MAGI1: variants seen among roughly 807,000 people sequenced by gnomAD.
MAGI1 encodes membrane associated guanylate kinase, WW and PDZ domain containing 1.
A neutral mutation model predicts 139.9 loss-of-function variants in MAGI1; 58 were observed. The ratio of observed to expected loss-of-function variants is 0.41; its 90% CI spans 0.34 to 0.52. MAGI1 has a LOEUF of 0.52. Among genes scored for constraint, MAGI1 ranks in the 20% least tolerant of loss-of-function variants. MAGI1 has a pLI of 0.12. For missense variants in MAGI1, 1,874 were observed against 1,901.6 expected (o/e 0.99, Z 0.27); for synonymous variants, 812 against 737.9 (o/e 1.10, Z -1.63).
chr3:65,634,084 G>A (rs1257243480), intron 1 of MAGI1, among the ~76,000 whole-genome samples: 1 of 152,146 alleles, frequency 6.6e-6, no homozygotes, highest in East Asian at 1.9e-4. Context: ...CACCCAATGA[G>A]ATTACTAGTC....
chr3:65,600,742 T>C (rs2082445424), intron 2 of MAGI1, among the ~76,000 whole-genome samples: 1 of 152,190 alleles, frequency 6.6e-6, no homozygotes, highest in Non-Finnish European at 1.5e-5. Context: ...TTTTGAGAAA[T>C]AACTGTGAGA....
In MAGI1 at chr3:65,845,899, G is replaced by C. The variant is rs143743903; in HGVS notation, c.313+192097C>G. On this transcript the variant is annotated intron_variant, in intron 1 of 22. Transcript: ENST00000402939. ...AGTTTGCTGGCCTTGTGATCCGCCA[G>C]ACAAGTTAACCTGCAAAGCCTATCA... Among the ~76,000 whole-genome samples the C allele has an allele frequency of 1.9e-3, 288 of 152,324 alleles. 5 individuals carry two copies. In the East Asian group the frequency reaches 0.042, roughly 22 times the overall value.
intron 2 of MAGI1, among the ~76,000 whole-genome samples, chr3:65,550,556 C>A (rs1240630863): frequency 1.3e-5 from 2 of 152,184 alleles, no homozygotes; most frequent in Admixed American, 1.3e-4. Flanking sequence ...TCATATACAA[C>A]TTTAGTTTTA....
intron 1 of MAGI1, among the ~76,000 whole-genome samples, chr3:65,746,416 C>A (rs1363720530): frequency 6.6e-6 from 1 of 152,134 alleles, no homozygotes; most frequent in Non-Finnish European, 1.5e-5. Flanking sequence ...GATAAATTCT[C>A]CTATATAGGA....
chr3:65,901,285 C>G (rs2061220656), intron 1 of MAGI1, among the ~76,000 whole-genome samples: 1 of 152,182 alleles, frequency 6.6e-6, no homozygotes. Flanking sequence ...GAGGAATCCA[C>G]CATGCAGGCC....
At chr3:65,892,409 T>C (rs181358045) in intron 1 of MAGI1, among the ~76,000 whole-genome samples, 5 of 152,314 alleles carry the variant, frequency 3.3e-5, no homozygotes, top group African/African-American at 9.6e-5. Context: ...CAGAATCAGA[T>C]TTTGTTTAAG....
At chr3:65,504,456 T>A (rs375185372) in intron 2 of MAGI1, among the ~76,000 whole-genome samples, 2 of 152,232 alleles carry the variant, frequency 1.3e-5, no homozygotes, top group African/African-American at 4.8e-5. Context: ...ATTATGTGAC[T>A]TGCCAAGAAT....
intron 1 of MAGI1, among the ~76,000 whole-genome samples, chr3:65,778,626 G>A (rs899607332): frequency 6.6e-6 from 1 of 152,084 alleles, no homozygotes; most frequent in African/African-American, 2.4e-5. Flanking sequence ...CAGCAGTTAA[G>A]CAACTTGCCA....
Position 65,660,783 on chromosome 3 carries a change from A to G in MAGI1, c.314-38695T>C, listed in dbSNP as rs551443064. On this transcript the variant is annotated intron_variant, in intron 1 of 22. Transcript: ENST00000402939. ...TGAAAGAAGATGAAGAGGGACCATC[A>G]TCTCTATGGGAGGCCACCATGTCTC... is the stretch of plus-strand genomic sequence containing the variant. Among the ~76,000 whole-genome samples, 20 of 152,368 alleles carry G rather than the reference A, an allele frequency of 1.3e-4. No homozygotes were observed. In the East Asian group the frequency reaches 3.9e-3, roughly 29 times the overall value.
At chr3:65,765,674 T>C (rs192276260) in intron 1 of MAGI1, among the ~76,000 whole-genome samples, 1 of 152,322 alleles carries the variant, frequency 6.6e-6, no homozygotes, top group Admixed American at 6.5e-5. Context: ...AGAGGCTGTA[T>C]GGCCTTTTGG....
chr3:65,783,386 C>T (rs537868415), intron 1 of MAGI1, among the ~76,000 whole-genome samples: 2 of 152,202 alleles, frequency 1.3e-5, no homozygotes, highest in South Asian at 2.1e-4. Flanking sequence ...CAGGGGCTCA[C>T]GCCTGTAATC....
intron 1 of MAGI1, among the ~76,000 whole-genome samples, chr3:65,727,625 C>T (rs1026417894): frequency 9.9e-5 from 15 of 152,100 alleles, no homozygotes; most frequent in African/African-American, 3.4e-4. Flanking sequence ...ATGTGAATGG[C>T]CTAAATTAAT....
At chr3:65,446,457 G>A (rs1028905360) in intron 7 of MAGI1, among the ~76,000 whole-genome samples, 9 of 152,192 alleles carry the variant, frequency 5.9e-5, no homozygotes, top group African/African-American at 2.2e-4. Context: ...AAGTCACCAC[G>A]ATATCACAGT....
intron 1 of MAGI1, among the ~76,000 whole-genome samples, chr3:65,973,539 C>T (rs530492444): frequency 2.0e-5 from 3 of 152,170 alleles, no homozygotes; most frequent in South Asian, 2.1e-4. Context: ...TATGCACTCC[C>T]GAAGCATGGT....
chr3:65,598,401 C>T (rs183897280), intron 2 of MAGI1, among the ~76,000 whole-genome samples: 66 of 152,322 alleles, frequency 4.3e-4, no homozygotes, highest in Middle Eastern at 6.8e-3. Context: ...AGGGGCGTGA[C>T]TCCCTTTCTT....
intron 5 of MAGI1, among the ~76,000 whole-genome samples, chr3:65,461,845 TG>T (rs1949821213): frequency 6.6e-6 from 1 of 152,184 alleles, no homozygotes; most frequent in Non-Finnish European, 1.5e-5. Flanking sequence ...TATCTCATTG[TG>T]GTTTTGATTT....
intron 1 of MAGI1, among the ~76,000 whole-genome samples, chr3:65,645,202 T>G (rs545545063): frequency 4.0e-5 from 6 of 151,874 alleles, no homozygotes; most frequent in Admixed American, 3.9e-4. Context: ...AAATAGAGGT[T>G]CAAGAAGGTC....
chr3:65,935,135 G>A (rs896747090), intron 1 of MAGI1, among the ~76,000 whole-genome samples: 1 of 152,126 alleles, frequency 6.6e-6, no homozygotes, highest in Admixed American at 6.6e-5. Flanking sequence ...AAATGACATT[G>A]AAGCTAAAAC....
intron 1 of MAGI1, chr3:65,874,574 G>C (rs115199685): frequency 2.0e-5 from 3 of 152,114 alleles, no homozygotes; most frequent in African/African-American, 7.2e-5. Flanking sequence ...CAATGAGATC[G>C]ACTTCATACA....
Sources: allele counts gnomAD v4.1 joint callset (sites outside exome capture counted in the v4.1 genomes callset), GRCh38; gene constraint gnomAD v4.1.1; transcripts MANE v1.5; gene names NCBI Gene and HGNC (gene_info 2026-07-23, HGNC 2026-07-21).